Variants in PRKN observed in about 807,000 individuals in gnomAD.
PRKN encodes the protein E3 ubiquitin-protein ligase parkin.
Under a neutral mutation model 59.5 loss-of-function variants are expected in PRKN, and 56 were observed. The observed-to-expected ratio is 0.94, with a 90% confidence interval of 0.76 to 1.18. The LOEUF (loss-of-function observed/expected upper bound fraction) is 1.18, where lower values mean the gene tolerates loss of function less well. PRKN is among the 50% of genes most tolerant of loss of function. The probability of loss-of-function intolerance (pLI) is 0.00; values close to 1 mark genes in which losing one functional copy is unlikely to be tolerated. For missense variants in PRKN, 657 were observed against 596.4 expected (o/e 1.10, Z -1.06); for synonymous variants, 250 against 222.1 (o/e 1.13, Z -1.12).
intron 7 of PRKN, among the ~76,000 whole-genome samples, chr6:161,747,386 GAT>G (rs1358840062): frequency 6.8e-6 from 1 of 148,120 alleles, no homozygotes; most frequent in Non-Finnish European, 1.5e-5. Flanking sequence ...TAATGGAAGT[GAT>G]ATGTTTCTCT....
At chr6:161,654,310 C>T (rs1443611101) in intron 7 of PRKN, among the ~76,000 whole-genome samples, 1 of 152,166 alleles carries the variant, frequency 6.6e-6, no homozygotes, top group Non-Finnish European at 1.5e-5. Context: ...TATGCTTACC[C>T]GTGTGGCTAC....
chr6:161,701,920 T>C (rs377617182), intron 7 of PRKN, among the ~76,000 whole-genome samples: 59 of 152,236 alleles, frequency 3.9e-4, no homozygotes, highest in African/African-American at 1.4e-3. Context: ...TGGTCGCCAG[T>C]GGGAAGTATA....
chr6:161,594,103 C>T (rs1439696461), intron 7 of PRKN, among the ~76,000 whole-genome samples: 1 of 152,066 alleles, frequency 6.6e-6, no homozygotes, highest in African/African-American at 2.4e-5. Context: ...GCAGAGGTTG[C>T]AGTGAGCCAA....
chr6:161,727,541 T>C (rs1245847720), intron 7 of PRKN, among the ~76,000 whole-genome samples: 1 of 152,202 alleles, frequency 6.6e-6, no homozygotes, highest in Non-Finnish European at 1.5e-5. Flanking sequence ...CAATTGATTG[T>C]AGAGAAAGTC....
chr6:162,485,045 A>G (rs1471083126), intron 1 of PRKN, among the ~76,000 whole-genome samples: 1 of 152,218 alleles, frequency 6.6e-6, no homozygotes, highest in Non-Finnish European at 1.5e-5. Context: ...ATGTGAATGT[A>G]AATTCTATAA....
At chr6:161,743,368 C>T (rs9355926) in intron 7 of PRKN, among the ~76,000 whole-genome samples, 20,803 of 149,206 alleles carry the variant, frequency 0.14, 1,945 homozygotes, top group East Asian at 0.52. Context: ...TACAGGCGCC[C>T]GCCACCACAT....
At chr6:161,834,544 G>A (rs1463844199) in intron 6 of PRKN, among the ~76,000 whole-genome samples, 1 of 152,188 alleles carries the variant, frequency 6.6e-6, no homozygotes, top group African/African-American at 2.4e-5. Flanking sequence ...CCATCAATGA[G>A]GTAAGATACT....
intron 3 of PRKN, among the ~76,000 whole-genome samples, chr6:162,233,743 T>G (rs1363138731): frequency 6.6e-6 from 1 of 152,124 alleles, no homozygotes; most frequent in Admixed American, 6.6e-5. Flanking sequence ...AAGTGGGGCA[T>G]TTGGGAGGTA....
At chr6:162,299,413 T>C (rs1364977256) in intron 2 of PRKN, among the ~76,000 whole-genome samples, 3 of 152,076 alleles carry the variant, frequency 2.0e-5, no homozygotes, top group Non-Finnish European at 4.4e-5. Context: ...ACACTATTCT[T>C]TTCTCCCTCT....
intron 6 of PRKN, among the ~76,000 whole-genome samples, chr6:161,960,022 C>T (rs1453909633): frequency 6.6e-6 from 1 of 152,084 alleles, no homozygotes; most frequent in Non-Finnish European, 1.5e-5. Context: ...GAATGTGCTC[C>T]CTGGGGGATT....
chr6:162,002,069 T>C (rs1782080837), intron 5 of PRKN, among the ~76,000 whole-genome samples: 1 of 152,026 alleles, frequency 6.6e-6, no homozygotes. Flanking sequence ...TCATATTTTA[T>C]TGAGGAATTT....
intron 4 of PRKN, among the ~76,000 whole-genome samples, chr6:162,168,722 A>G (rs1409186400): frequency 2.0e-5 from 3 of 152,150 alleles, no homozygotes. Flanking sequence ...TATTTATGTT[A>G]TTACAGATGA....
rs547921380 is a variant in PRKN at position 161,396,331 on chromosome 6, A to T, written c.1084-9454T>A. Among the ~76,000 whole-genome samples the T allele has an allele frequency of 1.1e-4, 16 of 152,162 alleles. No individual in the cohort carries two copies. Among genetic ancestry groups the T allele is most frequent in the South Asian group, 2.1e-4 (1 of 4,822 alleles). On this transcript the variant is annotated intron_variant, in intron 9 of 11. Transcript: ENST00000366898. The surrounding 1 kb of genome is among the most constrained non-coding windows in gnomAD (Gnocchi z 5.4). ...CACACCATCCTGTTCATCTAAACAA[A>T]CTTCTTGGCGGGCAAATTTCAATAT...
chr6:162,202,862 T>C (rs992456536), intron 3 of PRKN, among the ~76,000 whole-genome samples: 13 of 152,124 alleles, frequency 8.5e-5, no homozygotes, highest in Non-Finnish European at 1.6e-4. Context: ...AAGAAGTGCA[T>C]AGAAGAAGAA....
At chr6:162,535,498 A>C (rs1193642093) in intron 1 of PRKN, among the ~76,000 whole-genome samples, 1 of 152,092 alleles carries the variant, frequency 6.6e-6, no homozygotes, top group Non-Finnish European at 1.5e-5. Context: ...ATATGAATAG[A>C]TGGTGTGTGT....
rs1785485795 is a variant in PRKN, at chr6:161,372,634, CG to C, written c.1168-12430del. Among the ~76,000 whole-genome samples the C allele has an allele frequency of 6.6e-6, 1 of 152,066 alleles. No homozygotes were observed. On this transcript the variant is annotated intron_variant, in intron 10 of 11. Coordinates refer to ENST00000366898, the MANE Select transcript of PRKN (RefSeq NM_004562.3). The surrounding 1 kb of genome is among the most constrained non-coding windows in gnomAD (Gnocchi z 4.2). ...ACGGCGGCTCTCAGACCAGCGGCAC[CG>C]GAAGCGCTTGTGCTGTGGCTCCCCC...
intron 1 of PRKN, among the ~76,000 whole-genome samples, chr6:162,516,355 G>A (rs1044074741): frequency 2.0e-5 from 3 of 152,176 alleles, no homozygotes; most frequent in Non-Finnish European, 4.4e-5. Context: ...CCTATCCAAT[G>A]AAGCAGATTA....
Position 161,581,076 on chromosome 6 carries a change from A to AC in PRKN, c.872-11661_872-11660insG, listed in dbSNP as rs1554279310. Among the ~76,000 whole-genome samples, 2 of 151,108 alleles carry AC rather than the reference A, an allele frequency of 1.3e-5. No homozygotes were observed. The highest frequency in any genetic ancestry group is 1.5e-5 in the Non-Finnish European group (1 of 67,824). ...CACACACACACACACACACACACACAAAATAGCCAGGCGTGGTGGCATGCC... is the reference window on the plus strand; with the variant it reads ...CACACACACACACACACACACACACACAAATAGCCAGGCGTGGTGGCATGCC... On this transcript the variant is annotated intron_variant, in intron 7 of 11. Coordinates refer to ENST00000366898, the MANE Select transcript of PRKN (RefSeq NM_004562.3). The surrounding 1 kb of genome is among the most constrained non-coding windows in gnomAD (Gnocchi z 4.5).
chr6:162,288,108 T>A (rs1042492435), intron 2 of PRKN, among the ~76,000 whole-genome samples: 2 of 152,162 alleles, frequency 1.3e-5, no homozygotes, highest in African/African-American at 4.8e-5. Flanking sequence ...ACGGAAGCAC[T>A]GAATATGCCT....
Sources: gnomAD v4.1 joint callset for allele counts (sites outside exome capture counted in the v4.1 genomes callset) on GRCh38, gnomAD v4.1.1 for gene constraint, Gnocchi (gnomAD v3.1) non-coding constraint, MANE v1.5 for transcripts, NCBI Gene and HGNC (gene_info 2026-07-23, HGNC 2026-07-21) for gene names.